The following ISL1 variants were observed in gnomAD, a reference collection of about 807,000 sequenced individuals.
The protein encoded by ISL1 is ISL LIM homeobox 1.
Under a neutral mutation model 35.3 loss-of-function variants are expected in ISL1, and 4 were observed. That is an observed-to-expected ratio of 0.11 (90% CI 0.06 to 0.26). The LOEUF (loss-of-function observed/expected upper bound fraction) is 0.26, where lower values mean the gene tolerates loss of function less well. Among genes scored for constraint, ISL1 ranks in the 10% least tolerant of loss-of-function variants. The pLI, the probability that ISL1 is intolerant of heterozygous loss-of-function variation, is 1.00. For synonymous variants in ISL1, 186 were observed against 172.3 expected (o/e 1.08, Z -0.62); for missense variants, 340 against 472.8 (o/e 0.72, Z 2.60).
intron 4 of ISL1, among the ~76,000 whole-genome samples, chr5:51,390,379 G>A (rs1403406480): frequency 2.0e-5 from 3 of 152,258 alleles, no homozygotes; most frequent in Non-Finnish European, 4.4e-5. Flanking sequence ...CCGTGGGCAG[G>A]TCACCCTGTG....
chr5:51,383,919 C>T (rs1161252623), intron 1 of ISL1, among the ~76,000 whole-genome samples: 1 of 151,968 alleles, frequency 6.6e-6, no homozygotes, highest in Non-Finnish European at 1.5e-5. Flanking sequence ...CGCCTGTGTG[C>T]CCTCCAAAGC....
rs765046643 is a variant in ISL1 at position 51,391,400 on chromosome 5, G to A, written c.892G>A (p.Ala298Thr). ...ACCTTGGAAAGTACTGAGCGACTTCGCCTTGCAGAGTGACATAGATCAGCC... is the reference window on the plus strand; with the variant it reads ...ACCTTGGAAAGTACTGAGCGACTTCACCTTGCAGAGTGACATAGATCAGCC... ...QPPWKVLSDF[A>T]LQSDIDQPAF... Residue 298 changes from alanine (A) to threonine (T), a missense_variant, in exon 5 of 6, where the codon GCC (alanine) becomes ACC (threonine). Coordinates refer to ENST00000230658, the MANE Select transcript of ISL1 (RefSeq NM_002202.3). The A allele has an allele frequency of 2.1e-5, 34 of 1,614,036 alleles. No individual in the cohort carries two copies. Among genetic ancestry groups the A allele is most frequent in the South Asian group, 3.3e-5 (3 of 91,090 alleles).
chr5:51,387,616 C>T lies in ISL1; in HGVS notation c.345C>T (p.Ile115=), dbSNP rs1355500246. 1.2e-6 allele frequency: 2 copies of T among 1,614,242 alleles called. No homozygotes were observed. The highest frequency in any genetic ancestry group is 3.3e-5 in the Admixed American group (2 of 60,032). ...GTGTGGCCTGCAGCCGCCAGCTCAT[C>T]CCTGGGGACGAATTTGCGCTTCGGG... The part of the protein sequence containing the change: ...FRCVACSRQL[I]PGDEFALRED... Residue 115 remains isoleucine (I), a synonymous_variant, in exon 3 of 6, where the codon ATC becomes ATT. Transcript: ENST00000230658. This position sits in a 1 kb window ranked among gnomAD's most constrained non-coding sequence, Gnocchi z 4.3.
Position 51,391,394 on chromosome 5 carries a change from G to A in ISL1, c.886G>A (p.Asp296Asn), listed in dbSNP as rs372119962. 23 of 1,614,190 alleles carry A rather than the reference G, an allele frequency of 1.4e-5. No individual in the cohort carries two copies. Among genetic ancestry groups the A allele is most frequent in the African/African-American group, 5.3e-5 (4 of 75,052 alleles). ...SYQPPWKVLS[D>N]FALQSDIDQP... is the part of the protein sequence containing the mutation. ...CCAGCCACCTTGGAAAGTACTGAGC[G>A]ACTTCGCCTTGCAGAGTGACATAGA... Residue 296 changes from aspartate (D) to asparagine (N), a missense_variant, in exon 5 of 6, where the codon GAC (aspartate) becomes AAC (asparagine). Physicochemically the swap from Asp to Asn is conservative, Grantham distance 23. Transcript: ENST00000230658.
chr5:51,391,534 C>A, intron 5 of ISL1, 93 bp downstream of exon 5: 2 of 1,429,590 alleles, frequency 1.4e-6, no homozygotes, highest in South Asian at 1.2e-5. Flanking sequence ...GGGGAGGGTG[C>A]CTTCTTGGGC....
In ISL1 at chr5:51,387,853, C is replaced by A; in HGVS notation, c.478+104C>A. 2 of 1,450,086 alleles carry A rather than the reference C, an allele frequency of 1.4e-6. No individual in the cohort carries two copies. Among genetic ancestry groups the A allele is most frequent in the Non-Finnish European group, 1.9e-6 (2 of 1,060,718 alleles). 89.8% of individuals were successfully genotyped at this position (1,450,086 alleles called of 1,614,324 possible). Reference sequence around the variant, plus strand: ...GCTACAGGGGTGGTCGTAGTGTTTGCCTGCAGTTAAATGAAGTGTTCTGTA... The same window carrying A: ...GCTACAGGGGTGGTCGTAGTGTTTGACTGCAGTTAAATGAAGTGTTCTGTA... On this transcript the variant is annotated intron_variant, in intron 3 of 5. Coordinates refer to ENST00000230658, the MANE Select transcript of ISL1 (RefSeq NM_002202.3). This position sits in a 1 kb window ranked among gnomAD's most constrained non-coding sequence, Gnocchi z 4.3.
At position 51,391,327 on chromosome 5, in the gene ISL1, C is replaced by T. The variant is rs373703337; in HGVS notation, c.819C>T (p.His273=). Residue 273 remains histidine, a synonymous_variant, in exon 5 of 6, where the codon CAC becomes CAT. Transcript: ENST00000230658. ...TGGTGGCTGCCAGTCCAGAGAGACA[C>T]GACGGTGGCTTACAGGCTAACCCAG... is the stretch of plus-strand genomic sequence containing the variant. ...TPMVAASPER[H]DGGLQANPVE... is the part of the protein sequence containing the mutation. 11 of 1,613,750 alleles carry T rather than the reference C, an allele frequency of 6.8e-6. No homozygotes were observed. The highest frequency in any genetic ancestry group is 2.2e-5 in the East Asian group (1 of 44,874).
At chr5:51,393,210 A>G (rs1478597958) in intron 5 of ISL1, among the ~76,000 whole-genome samples, 1 of 152,198 alleles carries the variant, frequency 6.6e-6, no homozygotes, top group Non-Finnish European at 1.5e-5. Flanking sequence ...GCCATTTTAC[A>G]GTGGGAAACA....
rs1435635029 is a variant in ISL1, at chr5:51,387,544, C to A, written c.273C>A (p.Phe91Leu). The A allele has an allele frequency of 5.0e-6, 8 of 1,614,210 alleles. No individual in the cohort carries two copies. The highest frequency in any genetic ancestry group is 6.8e-6 in the Non-Finnish European group (8 of 1,180,042). Reference sequence around the variant, plus strand: ...GCATCGGCTTCAGCAAGAACGACTTCGTGATGCGTGCCCGCTCCAAGGTGT... The same window carrying A: ...GCATCGGCTTCAGCAAGAACGACTTAGTGATGCGTGCCCGCTCCAAGGTGT... ...KCSIGFSKND[F>L]VMRARSKVYH... Residue 91 changes from phenylalanine to leucine, a missense_variant, in exon 3 of 6, where the codon TTC (phenylalanine) becomes TTA (leucine). Phe to Leu is a conservative substitution (Grantham distance 22). This residue lies in a region of ISL1 where 70 missense variants were observed against 130.3 expected (regional missense o/e 0.54). Transcript: ENST00000230658. This position sits in a 1 kb window ranked among gnomAD's most constrained non-coding sequence, Gnocchi z 4.3.
chr5:51,390,449 A>G (rs1465267479), intron 4 of ISL1, among the ~76,000 whole-genome samples: 1 of 151,938 alleles, frequency 6.6e-6, no homozygotes, highest in African/African-American at 2.4e-5. Context: ...CAGGCTGGCG[A>G]GTTCCCCCAA....
chr5:51,390,642 C>CTTTTTTTTTTTTTTCTTTTTTTTTTTT (rs1747484436), intron 4 of ISL1, among the ~76,000 whole-genome samples: 1 of 40,204 alleles, frequency 2.5e-5, no homozygotes. Flanking sequence ...CTTTCTTTTT[C>CTTTTTTTTTTTTTTCTTTTTTTTTTTT]TTTTTTTTTT....
chr5:51,391,392 G>T lies in ISL1; in HGVS notation c.884G>T (p.Ser295Ile). ...TACCAGCCACCTTGGAAAGTACTGA[G>T]CGACTTCGCCTTGCAGAGTGACATA... is the stretch of plus-strand genomic sequence containing the variant. Reference protein sequence around the residue: ...QSYQPPWKVLSDFALQSDIDQ... With the variant: ...QSYQPPWKVLIDFALQSDIDQ... The change falls in exon 5 of 6, where the codon AGC becomes ATC. Residue 295 changes from serine to isoleucine, a missense_variant. Physicochemically the swap from Ser to Ile is moderately radical, Grantham distance 142 (BLOSUM62 -2). Transcript: ENST00000230658. The T allele has an allele frequency of 6.2e-7, 1 of 1,614,240 alleles. No homozygotes were observed. Among genetic ancestry groups the T allele is most frequent in the Non-Finnish European group, 8.5e-7 (1 of 1,180,054 alleles).
rs765924977 is a variant in ISL1 at position 51,384,620 on chromosome 5, G to A, written c.108G>A (p.Leu36=). 6.2e-7 allele frequency: 1 copy of A among 1,614,142 alleles called. No homozygotes were observed. Among genetic ancestry groups the A allele is most frequent in the South Asian group, 1.1e-5 (1 of 91,090 alleles). ...ATATTCTGAGGGTTTCTCCGGATTT[G>A]GAATGGCATGCGGCATGTTTGAAAT... ...DQYILRVSPD[L]EWHAACLKCA... The change falls in exon 2 of 6, where the codon TTG becomes TTA. Residue 36 remains leucine (L), a synonymous_variant. Transcript: ENST00000230658.
Position 51,384,524 on chromosome 5 carries a change from A to G in ISL1, c.29-17A>G. On this transcript the variant is annotated splice_polypyrimidine_tract_variant and intron_variant, in intron 1 of 5. Coordinates refer to ENST00000230658, the MANE Select transcript of ISL1 (RefSeq NM_002202.3). ...GAAGTAAACGGTTAGTCAATCATGT[A>G]TTTATTTTCATTTCAGAAAAACGTC... 4.3e-6 allele frequency: 7 copies of G among 1,611,842 alleles called. No homozygotes were observed. The highest frequency in any genetic ancestry group is 5.9e-6 in the Non-Finnish European group (7 of 1,177,986).
In ISL1 at chr5:51,383,537, C is replaced by A; in HGVS notation, c.-135C>A. 1 of 805,692 alleles carries A rather than the reference C, an allele frequency of 1.2e-6. No individual in the cohort carries two copies. The highest frequency in any genetic ancestry group is 2.2e-6 in the Non-Finnish European group (1 of 452,406). The allele number at this position is 805,692 out of a possible 1,614,324, so 49.9% of individuals were successfully genotyped here. A position where few individuals can be genotyped will look rare whatever the true frequency, so the allele number is the denominator to read the frequency against. On this transcript the variant is annotated 5_prime_UTR_variant, in exon 1 of 6. Coordinates refer to ENST00000230658, the MANE Select transcript of ISL1 (RefSeq NM_002202.3). ...TCCGCGAGGGCGCGGCGCAGCCGAG[C>A]AGCGGCTCTTTCAGCATTGGCAACC...
At chr5:51,391,122 A>C in intron 4 of ISL1, 152 bp from the exon 5 acceptor site, 1 of 714,138 alleles carries the variant, frequency 1.4e-6, no homozygotes, top group Non-Finnish European at 2.3e-6. Flanking sequence ...AATTCTAACT[A>C]ATATCCGTAG....
In ISL1 at chr5:51,393,555, C is replaced by T; in HGVS notation, c.995C>T (p.Ser332Phe). The change falls in exon 6 of 6, where the codon TCC becomes TTC. Residue 332 changes from serine (S) to phenylalanine (F), a missense_variant. Physicochemically the swap from Ser to Phe is radical, Grantham distance 155 (BLOSUM62 -2). Coordinates refer to ENST00000230658, the MANE Select transcript of ISL1 (RefSeq NM_002202.3). ...ACTGGCAGTGAAGTAGCATCAATGT[C>T]CTCTCAACTTCCAGATACACCTAAC... ...NSTGSEVASM[S>F]SQLPDTPNSM... 6.2e-7 allele frequency: 1 copy of T among 1,613,918 alleles called. No individual in the cohort carries two copies. The highest frequency in any genetic ancestry group is 8.5e-7 in the Non-Finnish European group (1 of 1,179,812).
At chr5:51,384,485 G>A in intron 1 of ISL1, 56 bp from the exon 2 acceptor site, 2 of 1,514,020 alleles carry the variant, frequency 1.3e-6, no homozygotes, top group Non-Finnish European at 1.8e-6. Flanking sequence ...CTAAAAGTGT[G>A]TTTATCTCTG....
chr5:51,390,642 CTTTTTTTTTTTTTTTTTTTTTTTTTTTT>C lies in ISL1; in HGVS notation c.766-621_766-594del, dbSNP rs57707586. On this transcript the variant is annotated intron_variant, in intron 4 of 5. Coordinates refer to ENST00000230658, the MANE Select transcript of ISL1 (RefSeq NM_002202.3). ...TCCTTTTTTTCTTTTCTTTCTTTTT[CTTTTTTTTTTTTTTTTTTTTTTTTTTTT>C]TTTTTTTTTTACTGCTTTGGACCTA... 1.5e-4 allele frequency among the ~76,000 whole-genome samples: 6 copies of C among 40,204 alleles called. No individual in the cohort carries two copies. In the East Asian group the frequency reaches 4.1e-3, roughly 27 times the overall value. 26.4% of individuals were successfully genotyped at this position (40,204 alleles called of 152,430 possible).
Sources: allele counts gnomAD v4.1 joint callset (sites outside exome capture counted in the v4.1 genomes callset), GRCh38; gene constraint gnomAD v4.1.1; regional missense constraint gnomAD v4.1.1; non-coding constraint Gnocchi (gnomAD v3.1); transcripts MANE v1.5; gene names NCBI Gene and HGNC (gene_info 2026-07-23, HGNC 2026-07-21).